Variants in MAGI2 observed in about 807,000 individuals in gnomAD.
MAGI2 encodes membrane associated guanylate kinase, WW and PDZ domain containing 2.
A neutral mutation model predicts 133.3 loss-of-function variants in MAGI2; 35 were observed. The ratio of observed to expected loss-of-function variants is 0.26; its 90% CI spans 0.20 to 0.35. MAGI2 has a LOEUF of 0.35. MAGI2 is among the 10% of genes least tolerant of loss of function. The pLI is 1.00. For missense variants in MAGI2, 1,636 were observed against 1,863.4 expected, an observed-to-expected ratio of 0.88 and a Z score of 2.25; for synonymous variants, 729 against 710.6, an observed-to-expected ratio of 1.03 and a Z score of -0.41.
Position 78,019,757 on chromosome 7 carries a change from C to T in MAGI2, c.3926G>A (p.Arg1309His). ...ELSACGQKKQ[R>H]LGEQRERSAS... ...CGAGCGCTCCCTCTGCTCCCCGAGG[C>T]GCTGCTTCTTCTGGCCGCAGGCTGA... is the stretch of plus-strand genomic sequence containing the variant. Residue 1309 changes from arginine to histidine, a missense_variant, in exon 22 of 22, where the codon CGC (arginine) becomes CAC (histidine). By Grantham distance (29) the Arg-to-His change is conservative (BLOSUM62 0). Coordinates refer to ENST00000354212, the MANE Select transcript of MAGI2 (RefSeq NM_012301.4). 2.5e-6 allele frequency: 4 copies of T among 1,612,372 alleles called. No individual in the cohort carries two copies. Among genetic ancestry groups the T allele is most frequent in the Non-Finnish European group, 2.5e-6 (3 of 1,179,688 alleles).
intron 2 of MAGI2, among the ~76,000 whole-genome samples, chr7:78,942,463 T>C (rs1163984682): frequency 2.0e-5 from 3 of 152,160 alleles, no homozygotes; most frequent in Non-Finnish European, 4.4e-5. Flanking sequence ...AACTTAGATA[T>C]AAATGGAATA....
Position 78,435,929 on chromosome 7 carries a change from G to A in MAGI2, c.1045+53832C>T, listed in dbSNP as rs562612364. On this transcript the variant is annotated intron_variant, in intron 6 of 21. Transcript: ENST00000354212. ...ACAGATGAAAATGTACTTTCCTCAA[G>A]GGTTTTGCACATTCTCAAAGCAGAG... Among the ~76,000 whole-genome samples, 16 of 152,288 alleles carry A rather than the reference G, an allele frequency of 1.1e-4. 1 individual carries two copies. The East Asian group carries it at 2.9e-3, about 28-fold the overall frequency.
At chr7:78,900,682 C>T (rs4255073) in intron 2 of MAGI2, among the ~76,000 whole-genome samples, 59,695 of 151,964 alleles carry the variant, frequency 0.39, 11,974 homozygotes, top group East Asian at 0.48. Context: ...TTATGAAACT[C>T]TATGTTCCTT....
rs192689977 is a variant in MAGI2 at position 79,135,047 on chromosome 7, G to C, written c.302-127841C>G. Among the ~76,000 whole-genome samples, 241 of 152,270 alleles carry C rather than the reference G, an allele frequency of 1.6e-3. 2 individuals carry two copies. The highest frequency in any genetic ancestry group is 5.5e-3 in the African/African-American group (227 of 41,544). On this transcript the variant is annotated intron_variant, in intron 1 of 21. Transcript: ENST00000354212. ...TAATTTTCCTTTAATATAATTTAGA[G>C]ACATCCTATATTTGGAGAATGAGTC... is the stretch of plus-strand genomic sequence containing the variant.
chr7:79,021,835 G>A (rs1424499397), intron 1 of MAGI2, among the ~76,000 whole-genome samples: 1 of 104,958 alleles, frequency 9.5e-6, no homozygotes, highest in Non-Finnish European at 2.2e-5. Context: ...GAATGATATG[G>A]CTGCGTCTTT....
intron 1 of MAGI2, among the ~76,000 whole-genome samples, chr7:79,224,425 T>C (rs1401854750): frequency 2.0e-5 from 3 of 152,056 alleles, no homozygotes; most frequent in African/African-American, 7.3e-5. Flanking sequence ...TGTTTCACAC[T>C]TCTGCCAACT....
At chr7:78,090,778 G>A (rs1817116382) in intron 20 of MAGI2, among the ~76,000 whole-genome samples, 1 of 152,172 alleles carries the variant, frequency 6.6e-6, no homozygotes, top group Non-Finnish European at 1.5e-5. Flanking sequence ...GCCTGTGCCA[G>A]CAACCAGCTG....
At chr7:78,776,902 A>G (rs1826029981) in intron 2 of MAGI2, among the ~76,000 whole-genome samples, 1 of 152,204 alleles carries the variant, frequency 6.6e-6, no homozygotes, top group African/African-American at 2.4e-5. Context: ...CATAAACTAA[A>G]TGATTGATAT....
chr7:78,775,291 C>T (rs1211690), intron 2 of MAGI2, among the ~76,000 whole-genome samples: 122,762 of 142,054 alleles, frequency 0.86, 53,062 homozygotes, highest in East Asian at 1. Flanking sequence ...CCAGCCTGGG[C>T]GACAGAGCGA....
intron 1 of MAGI2, among the ~76,000 whole-genome samples, chr7:79,076,978 G>A (rs535479337): frequency 6.6e-6 from 1 of 152,248 alleles, no homozygotes; most frequent in Non-Finnish European, 1.5e-5. Context: ...AAAATTCTCA[G>A]ATTCTTTACT....
At chr7:79,436,468 A>G (rs1848152014) in intron 1 of MAGI2, among the ~76,000 whole-genome samples, 1 of 152,212 alleles carries the variant, frequency 6.6e-6, no homozygotes, top group African/African-American at 2.4e-5. Context: ...CAAAGGACTA[A>G]TATCCAGAAC....
At chr7:78,177,091 A>C (rs922870354) in intron 14 of MAGI2, among the ~76,000 whole-genome samples, 1 of 151,920 alleles carries the variant, frequency 6.6e-6, no homozygotes, top group Non-Finnish European at 1.5e-5. Context: ...TTAATCCTCA[A>C]ATCTACTCTA....
At chr7:78,731,370 C>T (rs754894821) in intron 2 of MAGI2, among the ~76,000 whole-genome samples, 9 of 152,088 alleles carry the variant, frequency 5.9e-5, no homozygotes, top group Non-Finnish European at 1.3e-4. Context: ...GGTTTCTCCA[C>T]TCTGGAATAC....
intron 1 of MAGI2, among the ~76,000 whole-genome samples, chr7:79,169,859 CT>C (rs960669958): frequency 2.2e-4 from 33 of 150,986 alleles, no homozygotes; most frequent in East Asian, 7.8e-4. Context: ...GCTTCTCTCT[CT>C]TTTTTTTTGT....
At chr7:78,623,781 T>C (rs1808005938) in intron 3 of MAGI2, among the ~76,000 whole-genome samples, 1 of 152,168 alleles carries the variant, frequency 6.6e-6, no homozygotes, top group Non-Finnish European at 1.5e-5. Context: ...AGTCATGCAT[T>C]GTGTAACGAC....
chr7:78,917,853 G>A (rs1798921168), intron 2 of MAGI2, among the ~76,000 whole-genome samples: 1 of 152,120 alleles, frequency 6.6e-6, no homozygotes, highest in Non-Finnish European at 1.5e-5. Flanking sequence ...ATACAACTCA[G>A]CCACAGCTAA....
chr7:78,281,268 G>C (rs1156821993), intron 9 of MAGI2, among the ~76,000 whole-genome samples: 2 of 151,934 alleles, frequency 1.3e-5, no homozygotes, highest in Non-Finnish European at 2.9e-5. Context: ...TGGCTTGGCT[G>C]TGTCCCCACC....
intron 1 of MAGI2, among the ~76,000 whole-genome samples, chr7:79,265,298 G>A (rs1341215979): frequency 6.6e-6 from 1 of 152,128 alleles, no homozygotes; most frequent in Non-Finnish European, 1.5e-5. Context: ...CTGTCTAGGT[G>A]ATGGTAATAC....
intron 7 of MAGI2, chr7:78,352,047 A>G (rs1172171703): frequency 6.6e-6 from 1 of 152,184 alleles, no homozygotes; most frequent in Admixed American, 6.5e-5. Flanking sequence ...TTCACCTTAC[A>G]GAGTTGTTGT....
Sources: gnomAD v4.1 joint callset for allele counts (sites outside exome capture counted in the v4.1 genomes callset) on GRCh38, gnomAD v4.1.1 for gene constraint, MANE v1.5 for transcripts, NCBI Gene and HGNC (gene_info 2026-07-23, HGNC 2026-07-21) for gene names.